Variants in NCOR1 observed in about 807,000 individuals in gnomAD.
NCOR1 encodes nuclear receptor corepressor 1.
NCOR1 carries 63 observed loss-of-function variants against 288.1 expected under a neutral mutation model. That is an observed-to-expected ratio of 0.22 (90% confidence interval 0.18 to 0.27). NCOR1 has a LOEUF of 0.27. NCOR1 is among the 10% of genes least tolerant of loss of function. The pLI is 1.00. For synonymous variants in NCOR1, 1,007 were observed against 1,065.9 expected, an observed-to-expected ratio of 0.94 and a Z score of 1.08; for missense variants, 2,397 against 3,019.2, an observed-to-expected ratio of 0.79 and a Z score of 4.83.
chr17:16,145,311 C>T (rs1156675883), intron 10 of NCOR1, among the ~76,000 whole-genome samples: 2 of 152,212 alleles, frequency 1.3e-5, no homozygotes, highest in African/African-American at 4.8e-5. Flanking sequence ...AGCCTCTGCC[C>T]GGCCACCACC....
At chr17:16,087,155 A>C (rs1445844279) in intron 22 of NCOR1, 12 of 1,302,656 alleles carry the variant, frequency 9.2e-6, no homozygotes, top group Non-Finnish European at 1.2e-5. Flanking sequence ...GCCACTGCAC[A>C]GAGGAGTGAT....
chr17:16,087,449 A>G (rs1258912407), intron 22 of NCOR1: 2 of 644,616 alleles, frequency 3.1e-6, no homozygotes, highest in South Asian at 2.1e-5. Flanking sequence ...CGACTATAAC[A>G]TTAAAGTCTA....
chr17:16,087,576 C>A (rs1038773961), intron 22 of NCOR1, among the ~76,000 whole-genome samples: 1 of 152,162 alleles, frequency 6.6e-6, no homozygotes, highest in Non-Finnish European at 1.5e-5. Flanking sequence ...AAAAGAACTT[C>A]TCTTTCCTCT....
chr17:16,166,813 C>T (rs77851181), intron 4 of NCOR1, among the ~76,000 whole-genome samples: 6 of 151,430 alleles, frequency 4.0e-5, no homozygotes, highest in African/African-American at 1.5e-4. Context: ...TTTCAATGCT[C>T]GAATCTTCAC....
chr17:16,060,085 C>T (rs1335816113), intron 37 of NCOR1, among the ~76,000 whole-genome samples: 1 of 152,130 alleles, frequency 6.6e-6, no homozygotes, highest in African/African-American at 2.4e-5. Context: ...TTCTTGAAGC[C>T]TTAAGGGGCA....
In NCOR1 at chr17:16,080,048, T is replaced by C. The variant is rs2063152916; in HGVS notation, c.3417A>G (p.Ile1139Met). Residue 1139 changes from isoleucine to methionine, a missense_variant, in exon 26 of 46, where the codon ATA becomes ATG. Physicochemically the swap from Ile to Met is conservative, Grantham distance 10. Coordinates refer to ENST00000268712, the MANE Select transcript of NCOR1 (RefSeq NM_006311.4). ...EGVVRGTAGA[I>M]QEGSITRGTP... ...TTCCCCGAGTTATACTTCCTTCTTG[T>C]ATGGCTCCTGCGGTACCTGAATACA... The C allele has an allele frequency of 2.5e-6, 4 of 1,613,948 alleles. No homozygotes were observed. Among genetic ancestry groups the C allele is most frequent in the Non-Finnish European group, 3.4e-6 (4 of 1,179,968 alleles).
intron 8 of NCOR1, 130 bp downstream of exon 8, chr17:16,151,816 C>A: frequency 2.1e-6 from 2 of 959,274 alleles, no homozygotes; most frequent in Admixed American, 2.4e-5. Flanking sequence ...TATAATAAAA[C>A]GACAGCAAAT....
rs1379791182 is a variant in NCOR1, at chr17:16,121,172, G to T, written c.1732C>A (p.Gln578Lys). ...GTGATCCGGCCCTTACGGCGGCCCT[G>T]ACTGTTGGCAGTCTTTCGCCCCCGG... is the stretch of plus-strand genomic sequence containing the variant. ...TPRGRKTANS[Q>K]GRRKGRITRS... is the part of the protein sequence containing the mutation. The change falls in exon 16 of 46, where the codon CAG becomes AAG. Residue 578 changes from glutamine to lysine, a missense_variant. By Grantham distance (53) the Gln-to-Lys change is moderately conservative. This residue lies in a region of NCOR1 where 113 missense variants were observed against 139.5 expected (regional missense o/e 0.81). Transcript: ENST00000268712. 6.2e-7 allele frequency: 1 copy of T among 1,614,104 alleles called. No individual in the cohort carries two copies. The highest frequency in any genetic ancestry group is 1.7e-5 in the Admixed American group (1 of 60,010).
intron 42 of NCOR1, among the ~76,000 whole-genome samples, chr17:16,041,981 G>A (rs558661016): frequency 2.6e-5 from 4 of 151,982 alleles, no homozygotes; most frequent in East Asian, 1.9e-4. Flanking sequence ...CGATATGCCC[G>A]CCTCGGCCTC....
intron 5 of NCOR1, among the ~76,000 whole-genome samples, chr17:16,160,390 A>G (rs1317677608): frequency 1.3e-5 from 2 of 152,172 alleles, no homozygotes; most frequent in African/African-American, 4.8e-5. Context: ...CCACACGAAT[A>G]AATTTAGCAT....
chr17:16,150,704 GAAAAA>G (rs555399256), intron 8 of NCOR1, among the ~76,000 whole-genome samples: 1 of 136,926 alleles, frequency 7.3e-6, no homozygotes, highest in Admixed American at 7.4e-5. Context: ...GGCTTTGTGG[GAAAAA>G]AAAAAAAAAG....
At chr17:16,197,060 C>T (rs1351381819) in intron 1 of NCOR1, among the ~76,000 whole-genome samples, 9 of 151,564 alleles carry the variant, frequency 5.9e-5, no homozygotes, top group Admixed American at 5.3e-4. Flanking sequence ...TAAGGCCGGG[C>T]GCGGTGGCTC....
intron 4 of NCOR1, among the ~76,000 whole-genome samples, chr17:16,170,114 T>C (rs1440949178): frequency 1.3e-5 from 2 of 151,658 alleles, no homozygotes; most frequent in Non-Finnish European, 2.9e-5. Context: ...TTTCTGTGTG[T>C]GTGTGTGTGT....
At chr17:16,214,382 T>C (rs2092382760) in intron 1 of NCOR1, among the ~76,000 whole-genome samples, 2 of 152,204 alleles carry the variant, frequency 1.3e-5, no homozygotes, top group Admixed American at 6.6e-5. Flanking sequence ...CCCGGGCCTG[T>C]TGCTCCTTGC....
chr17:16,101,881 T>C, intron 19 of NCOR1, 124 bp from the exon 20 acceptor site: 1 of 1,244,448 alleles, frequency 8.0e-7, no homozygotes, highest in Non-Finnish European at 1.1e-6. Context: ...TGTTTGAAAG[T>C]AGTTGTTTAG....
intron 21 of NCOR1, among the ~76,000 whole-genome samples, chr17:16,094,612 C>T (rs575031050): frequency 1.3e-5 from 2 of 152,220 alleles, no homozygotes; most frequent in East Asian, 1.9e-4. Flanking sequence ...CCTCTCATGC[C>T]GAGCCAAAGC....
At position 16,071,496 on chromosome 17, in the gene NCOR1, T is replaced by C. The variant is rs1213675201; in HGVS notation, c.4065A>G (p.Pro1355=). The change falls in exon 30 of 46, where the codon CCA becomes CCG. Residue 1355 remains proline (P), a synonymous_variant. Coordinates refer to ENST00000268712, the MANE Select transcript of NCOR1 (RefSeq NM_006311.4). Reference sequence around the variant, plus strand: ...TTTCCTGAGTTAAAATATCTTGCCTTGGAATCTCATGAATGGAACGCCCCA... The same window carrying C: ...TTTCCTGAGTTAAAATATCTTGCCTCGGAATCTCATGAATGGAACGCCCCA... ...KEMGRSIHEI[P]RQDILTQESR... The C allele has an allele frequency of 1.9e-6, 3 of 1,614,094 alleles. No homozygotes were observed. The highest frequency in any genetic ancestry group is 2.5e-6 in the Non-Finnish European group (3 of 1,180,030).
chr17:16,213,451 C>T (rs2092314092), intron 1 of NCOR1, among the ~76,000 whole-genome samples: 1 of 138,408 alleles, frequency 7.2e-6, no homozygotes, highest in African/African-American at 2.7e-5. Context: ...GAGATTGCGC[C>T]ACTGCACTCC....
intron 40 of NCOR1, among the ~76,000 whole-genome samples, chr17:16,052,175 G>A (rs1405716121): frequency 6.6e-6 from 1 of 151,446 alleles, no homozygotes; most frequent in Non-Finnish European, 1.5e-5. Flanking sequence ...ACCACGCCTG[G>A]CTAATTTTTT....
Sources: gnomAD v4.1 joint callset for allele counts (sites outside exome capture counted in the v4.1 genomes callset) on GRCh38, gnomAD v4.1.1 for gene constraint, gnomAD v4.1.1 regional missense constraint, MANE v1.5 for transcripts, NCBI Gene and HGNC (gene_info 2026-07-23, HGNC 2026-07-21) for gene names.